Variants in ULK4 observed in about 807,000 individuals in gnomAD.
ULK4 encodes unc-51 like kinase 4.
ULK4 carries 133 observed loss-of-function variants against 160.6 expected under a neutral mutation model. The observed-to-expected ratio is 0.83, with a 90% CI of 0.72 to 0.96. The LOEUF (loss-of-function observed/expected upper bound fraction) is 0.96. Ranked by LOEUF, ULK4 falls within the 40% of genes least tolerant of loss-of-function variation. The pLI is 0.00. For missense variants in ULK4, 1,580 were observed against 1,499.5 expected (o/e 1.05, Z -0.89); for synonymous variants, 534 against 539.8 (o/e 0.99, Z 0.15).
intron 21 of ULK4, among the ~76,000 whole-genome samples, chr3:41,762,779 C>T (rs371797813): frequency 6.6e-6 from 1 of 151,356 alleles, no homozygotes; most frequent in Middle Eastern, 3.2e-3. Context: ...TCTCCTGCCT[C>T]AGCCTCCCCA....
intron 35 of ULK4, among the ~76,000 whole-genome samples, chr3:41,380,169 A>G (rs2081615641): frequency 6.6e-6 from 1 of 152,200 alleles, no homozygotes; most frequent in Non-Finnish European, 1.5e-5. Context: ...GCTGGAGAAG[A>G]GAAAAATCTC....
chr3:41,735,913 T>G (rs1228306787), intron 22 of ULK4, among the ~76,000 whole-genome samples: 2 of 137,468 alleles, frequency 1.5e-5, no homozygotes, highest in African/African-American at 2.7e-5. Flanking sequence ...CATTGTTCAA[T>G]TCCCACCTAT....
chr3:41,625,373 T>TA (rs1464581753), intron 30 of ULK4, among the ~76,000 whole-genome samples: 1 of 152,196 alleles, frequency 6.6e-6, no homozygotes, highest in African/African-American at 2.4e-5. Flanking sequence ...AATGTGGTTT[T>TA]AAAAAATCGG....
At chr3:41,896,696 C>A in intron 15 of ULK4, 126 bp downstream of exon 15, 1 of 1,101,020 alleles carries the variant, frequency 9.1e-7, no homozygotes, top group South Asian at 2.0e-5. Flanking sequence ...GGATAATTTT[C>A]ATAAACCTAA....
At chr3:41,464,757 G>T (rs2083784033) in intron 32 of ULK4, among the ~76,000 whole-genome samples, 1 of 152,184 alleles carries the variant, frequency 6.6e-6, no homozygotes, top group African/African-American at 2.4e-5. Context: ...GGTAAAAGGG[G>T]TAAGTACTGG....
At chr3:41,352,823 T>C (rs1370950174) in intron 35 of ULK4, among the ~76,000 whole-genome samples, 1 of 152,188 alleles carries the variant, frequency 6.6e-6, no homozygotes, top group Non-Finnish European at 1.5e-5. Context: ...TCAGAGGGCC[T>C]AACTAGGTTC....
rs1188146519 is a variant in ULK4 at position 41,705,164 on chromosome 3, T to G, written c.2687-13A>C. ...GATGCTGTCAGTCCTAGAAATACAG[T>G]TAATTATTATAGGTGTTTATTTACA... On this transcript the variant is annotated splice_polypyrimidine_tract_variant and intron_variant, in intron 26 of 36. Transcript: ENST00000301831. The G allele has an allele frequency of 4.3e-6, 7 of 1,609,474 alleles. No homozygotes were observed. The highest frequency in any genetic ancestry group is 5.9e-6 in the Non-Finnish European group (7 of 1,177,050).
intron 35 of ULK4, among the ~76,000 whole-genome samples, chr3:41,280,588 T>C (rs1204964143): frequency 4.6e-5 from 7 of 152,050 alleles, no homozygotes; most frequent in African/African-American, 1.4e-4. Context: ...AAGGCAGAAA[T>C]AAAGATGTTC....
intron 19 of ULK4, among the ~76,000 whole-genome samples, chr3:41,816,750 G>T (rs184140347): frequency 6.6e-6 from 1 of 152,294 alleles, no homozygotes; most frequent in East Asian, 1.9e-4. Context: ...GGCGGAGGTT[G>T]CAGGGAGCCA....
At chr3:41,517,178 T>TAC (rs2085778601) in intron 32 of ULK4, among the ~76,000 whole-genome samples, 1 of 152,112 alleles carries the variant, frequency 6.6e-6, no homozygotes, top group Admixed American at 6.5e-5. Flanking sequence ...GATACCACCA[T>TAC]ACACCCATCA....
At chr3:41,287,254 CTAAG>C (rs1451841925) in intron 35 of ULK4, among the ~76,000 whole-genome samples, 4 of 152,152 alleles carry the variant, frequency 2.6e-5, no homozygotes, top group Admixed American at 2.6e-4. Flanking sequence ...TTCATAAAGG[CTAAG>C]TGAGTAAAGG....
At chr3:41,960,894 G>T (rs187566122) in intron 1 of ULK4, among the ~76,000 whole-genome samples, 368 of 152,156 alleles carry the variant, frequency 2.4e-3, no homozygotes, top group African/African-American at 7.9e-3. Flanking sequence ...CAGGAAATAG[G>T]ACTTTGCCAG....
chr3:41,318,976 A>G (rs1190449125), intron 35 of ULK4, among the ~76,000 whole-genome samples: 1 of 152,210 alleles, frequency 6.6e-6, no homozygotes, highest in Admixed American at 6.5e-5. Flanking sequence ...AGTAACACTG[A>G]TTATATTATG....
intron 2 of ULK4, 65 bp downstream of exon 2, chr3:41,954,557 T>C (rs1428355326): frequency 6.5e-7 from 1 of 1,528,900 alleles, no homozygotes; most frequent in Non-Finnish European, 8.8e-7. Context: ...ACTGTGAAAA[T>C]GCTACCCCCT....
At chr3:41,505,819 T>G (rs774246183) in intron 32 of ULK4, among the ~76,000 whole-genome samples, 7 of 152,160 alleles carry the variant, frequency 4.6e-5, no homozygotes, top group Non-Finnish European at 7.4e-5. Context: ...TCTTAACTTA[T>G]TGTCCTGGCT....
intron 21 of ULK4, among the ~76,000 whole-genome samples, chr3:41,761,608 T>A (rs2125907403): frequency 6.6e-6 from 1 of 151,888 alleles, no homozygotes; most frequent in South Asian, 2.1e-4. Context: ...AAGACCTAAA[T>A]AACATAAATA....
chr3:41,845,394 T>C (rs1260018731), intron 17 of ULK4, among the ~76,000 whole-genome samples: 2 of 152,038 alleles, frequency 1.3e-5, no homozygotes, highest in Middle Eastern at 3.2e-3. Flanking sequence ...TCCAGAAAAT[T>C]ACACCAAATG....
chr3:41,776,799 T>G lies in ULK4; in HGVS notation c.2193+12862A>C, dbSNP rs558156503. Among the ~76,000 whole-genome samples, 351 of 92,446 alleles carry G rather than the reference T, an allele frequency of 3.8e-3. 21 individuals are homozygous for G. Among genetic ancestry groups the G allele is most frequent in the Middle Eastern group, 0.016 (3 of 188 alleles). The allele number at this position is 92,446 out of a possible 152,430, so 60.6% of individuals were successfully genotyped here. ...ACTTGATCATGGTGGATAAGCTTTT[T>G]GATGTGCTGCTGGATTCGGTTTGCC... On this transcript the variant is annotated intron_variant, in intron 21 of 36. Coordinates refer to ENST00000301831, the MANE Select transcript of ULK4 (RefSeq NM_017886.4).
intron 35 of ULK4, among the ~76,000 whole-genome samples, chr3:41,355,974 T>C (rs1429028039): frequency 6.6e-6 from 1 of 152,244 alleles, no homozygotes; most frequent in Non-Finnish European, 1.5e-5. Flanking sequence ...ACCATTTTTC[T>C]AGCCTGAAGG....
Sources: allele counts gnomAD v4.1 joint callset (sites outside exome capture counted in the v4.1 genomes callset), GRCh38; gene constraint gnomAD v4.1.1; transcripts MANE v1.5; gene names NCBI Gene and HGNC (gene_info 2026-07-23, HGNC 2026-07-21).